TBCD: variants seen among roughly 807,000 people sequenced by gnomAD.
The protein encoded by TBCD is tubulin folding cofactor D.
In TBCD, 105 loss-of-function variants were observed where a neutral mutation model predicts 169.3. That is an observed-to-expected ratio of 0.62 (90% CI 0.53 to 0.73). TBCD has a LOEUF of 0.73. TBCD is among the 30% of genes least tolerant of loss of function. The pLI, the probability that TBCD is intolerant of heterozygous loss-of-function variation, is 0.00. For synonymous variants in TBCD, 700 were observed against 643.9 expected (o/e 1.09, Z -1.32); for missense variants, 1,444 against 1,600.1 (o/e 0.90, Z 1.66).
intron 13 of TBCD, among the ~76,000 whole-genome samples, chr17:82,829,258 CACCT>C (rs1217177589): frequency 6.6e-6 from 1 of 151,382 alleles, no homozygotes; most frequent in Non-Finnish European, 1.5e-5. Flanking sequence ...CACAAGCAGA[CACCT>C]ACACGCACTC....
In TBCD at chr17:82,831,726, C is replaced by T. The variant is rs1352165877; in HGVS notation, c.1318+16792C>T. 1.1e-5 allele frequency: 17 copies of T among 1,613,880 alleles called. No individual in the cohort carries two copies. Among genetic ancestry groups the T allele is most frequent in the South Asian group, 3.3e-5 (3 of 91,082 alleles). On this transcript the variant is annotated intron_variant, in intron 13 of 38. Transcript: ENST00000355528. This position sits in a 1 kb window ranked among gnomAD's most constrained non-coding sequence, Gnocchi z 4.6. The stretch of plus-strand genomic sequence containing the variant: ...GCCCGTGCTCTGTGTAAAAGTGAGG[C>T]GGGTACTCTGGGATTGTGGGGTGCA...
intron 12 of TBCD, among the ~76,000 whole-genome samples, chr17:82,814,319 T>G (rs769992932): frequency 6.6e-6 from 1 of 152,214 alleles, no homozygotes; most frequent in Non-Finnish European, 1.5e-5. Context: ...TATGGGAGCG[T>G]GGGTGTTGCC....
chr17:82,847,845 T>C (rs753382706), intron 13 of TBCD, among the ~76,000 whole-genome samples: 12 of 152,130 alleles, frequency 7.9e-5, no homozygotes, highest in Non-Finnish European at 1.6e-4. Flanking sequence ...ATGGTCTTGA[T>C]CTCCTGACCT....
At chr17:82,878,546 C>A (rs901638563) in intron 14 of TBCD, among the ~76,000 whole-genome samples, 2 of 97,590 alleles carry the variant, frequency 2.0e-5, no homozygotes, top group African/African-American at 7.2e-5. Context: ...TGTGAGGTGA[C>A]CTGCCCTCCT....
At position 82,806,787 on chromosome 17, in the gene TBCD, C is replaced by T. The variant is rs1402896689; in HGVS notation, c.1087+776C>T. Among the ~76,000 whole-genome samples the T allele has an allele frequency of 6.6e-6, 1 of 152,210 alleles. No homozygotes were observed. Among genetic ancestry groups the T allele is most frequent in the Non-Finnish European group, 1.5e-5 (1 of 68,034 alleles). On this transcript the variant is annotated intron_variant, in intron 10 of 38. Coordinates refer to ENST00000355528, the MANE Select transcript of TBCD (RefSeq NM_005993.5). The surrounding 1 kb of genome is among the most constrained non-coding windows in gnomAD (Gnocchi z 5.1). ...ATCAGGGCGCCTGTGGCACCGTTGC[C>T]AGCCCCGAGCCAGCATCCACTCCGG... is the stretch of plus-strand genomic sequence containing the variant.
intron 6 of TBCD, among the ~76,000 whole-genome samples, chr17:82,776,510 T>C (rs2048610858): frequency 1.3e-5 from 2 of 152,234 alleles, no homozygotes; most frequent in East Asian, 1.9e-4. Flanking sequence ...TGCACCGTTA[T>C]GACTTTTAAT....
intron 13 of TBCD, among the ~76,000 whole-genome samples, chr17:82,838,247 AGTT>A (rs1352933452): frequency 6.6e-6 from 1 of 152,164 alleles, no homozygotes; most frequent in African/African-American, 2.4e-5. Context: ...TGCAGCAGAC[AGTT>A]GTTAGGGTAA....
Position 82,925,059 on chromosome 17 carries a change from T to C in TBCD, c.2379+2T>C. The C allele has an allele frequency of 6.4e-7, 1 of 1,552,018 alleles. No homozygotes were observed. Among genetic ancestry groups the C allele is most frequent in the Non-Finnish European group, 8.7e-7 (1 of 1,147,994 alleles). Reference sequence around the variant, plus strand: ...CTTCTGAAAGGCCGGCTCCAGCAGGTGAGGCTGGCCACGCGCAGTGGACGG... The same window carrying C: ...CTTCTGAAAGGCCGGCTCCAGCAGGCGAGGCTGGCCACGCGCAGTGGACGG... On this transcript the variant is annotated splice_donor_variant, in intron 27 of 38. Coordinates refer to ENST00000355528, the MANE Select transcript of TBCD (RefSeq NM_005993.5). LOFTEE classifies it high-confidence loss of function.
chr17:82,840,760 C>G lies in TBCD; in HGVS notation c.1318+25826C>G, dbSNP rs148844245. 7.5e-3 allele frequency among the ~76,000 whole-genome samples: 1,139 copies of G among 152,248 alleles called. 10 individuals carry two copies. The highest frequency in any genetic ancestry group is 0.026 in the African/African-American group (1,087 of 41,538). ...GGGCCAGTTTTTACCTCCACACCCC[C>G]CCACCAAAACTGCTTGCTTGCTTAA... On this transcript the variant is annotated intron_variant, in intron 13 of 38. Transcript: ENST00000355528.
chr17:82,810,155 G>T (rs149930809), intron 12 of TBCD, among the ~76,000 whole-genome samples: 11 of 152,308 alleles, frequency 7.2e-5, no homozygotes, highest in African/African-American at 2.6e-4. Context: ...TTGAAGTGAG[G>T]CTGGTGTGAC....
At chr17:82,928,153 C>T (rs1270428542) in intron 30 of TBCD, among the ~76,000 whole-genome samples, 165 bp downstream of exon 30, 2 of 152,200 alleles carry the variant, frequency 1.3e-5, no homozygotes, top group African/African-American at 4.8e-5. Flanking sequence ...GTGCAGGCCC[C>T]TCCTCCTGCC....
chr17:82,828,428 A>G (rs1037069318), intron 13 of TBCD, among the ~76,000 whole-genome samples: 6 of 150,400 alleles, frequency 4.0e-5, no homozygotes, highest in African/African-American at 1.5e-4. Context: ...GCAGATATGT[A>G]CACGTGGACA....
At chr17:82,934,768 G>A (rs917108962) in intron 34 of TBCD, among the ~76,000 whole-genome samples, 4 of 151,978 alleles carry the variant, frequency 2.6e-5, no homozygotes, top group African/African-American at 9.7e-5. Flanking sequence ...CACCGTACCT[G>A]GCCTAAAATA....
chr17:82,926,350 G>A (rs1287714087), intron 27 of TBCD, 50 bp from the exon 28 acceptor site: 7 of 1,571,466 alleles, frequency 4.5e-6, no homozygotes. Flanking sequence ...CCTAAAGAGT[G>A]CACTTTGTTA....
rs1370974061 is a variant in TBCD at position 82,752,198 on chromosome 17, C to T, written c.5C>T (p.Ala2Val). The T allele has an allele frequency of 1.3e-6, 2 of 1,521,512 alleles. No homozygotes were observed. Among genetic ancestry groups the T allele is most frequent in the Admixed American group, 4.1e-5 (2 of 48,562 alleles). The allele number at this position is 1,521,512 out of a possible 1,614,324, so 94.3% of individuals were successfully genotyped here. A position where few individuals can be genotyped will look rare whatever the true frequency, so the allele number is the denominator to read the frequency against. M[A>V]LSDEPAAGGP... ...CGCGGTCCCCAGGCTGCCGAGATGGCCCTGAGCGACGAACCGGCCGCGGGC... is the reference window on the plus strand; with the variant it reads ...CGCGGTCCCCAGGCTGCCGAGATGGTCCTGAGCGACGAACCGGCCGCGGGC... Residue 2 changes from alanine to valine, a missense_variant, in exon 1 of 39, where the codon GCC (alanine) becomes GTC (valine). Transcript: ENST00000355528.
chr17:82,902,068 G>A (rs2059930545), intron 18 of TBCD, among the ~76,000 whole-genome samples: 1 of 152,248 alleles, frequency 6.6e-6, no homozygotes, highest in South Asian at 2.1e-4. Context: ...CCTCAGTTCT[G>A]TCGGCCTTTC....
chr17:82,816,093 T>A (rs954882851), intron 13 of TBCD, among the ~76,000 whole-genome samples: 2 of 152,214 alleles, frequency 1.3e-5, no homozygotes, highest in Admixed American at 1.3e-4. Flanking sequence ...CTGGCAGCCA[T>A]GTCTCCAGTG....
intron 24 of TBCD, chr17:82,921,214 G>T (rs979678831): frequency 1.2e-4 from 61 of 506,188 alleles, no homozygotes; most frequent in Non-Finnish European, 4.2e-5. Context: ...TGAAGGAAAA[G>T]ATTTAGGGGT....
intron 34 of TBCD, among the ~76,000 whole-genome samples, chr17:82,933,893 G>A (rs1251035176): frequency 6.6e-6 from 1 of 152,232 alleles, no homozygotes; most frequent in African/African-American, 2.4e-5. Context: ...GATTACAGGC[G>A]TGAGCCACTG....
Sources: gnomAD v4.1 joint callset for allele counts (sites outside exome capture counted in the v4.1 genomes callset) on GRCh38, gnomAD v4.1.1 for gene constraint, Gnocchi (gnomAD v3.1) non-coding constraint, MANE v1.5 for transcripts, NCBI Gene and HGNC (gene_info 2026-07-23, HGNC 2026-07-21) for gene names.